The following WWOX variants were observed in gnomAD, a reference collection of about 807,000 sequenced individuals.
WWOX encodes the protein WW domain-containing oxidoreductase.
A neutral mutation model predicts 46.2 loss-of-function variants in WWOX; 69 were observed. That is an observed-to-expected ratio of 1.49 (90% CI 1.23 to 1.82). The LOEUF is 1.82. WWOX is among the 40% of genes most tolerant of loss of function. The pLI, the probability that WWOX is intolerant of heterozygous loss-of-function variation, is 0.00. For missense variants in WWOX, 919 were observed against 542.6 expected (o/e 1.69, Z -6.89); for synonymous variants, 359 against 202.6 (o/e 1.77, Z -6.56).
At chr16:78,910,504 TTG>T (rs2045081537) in intron 8 of WWOX, among the ~76,000 whole-genome samples, 1 of 71,380 alleles carries the variant, frequency 1.4e-5, no homozygotes, top group Admixed American at 1.4e-4. Context: ...TCAGGATCTT[TTG>T]TTTTTTTTTT....
intron 8 of WWOX, among the ~76,000 whole-genome samples, chr16:79,117,739 G>A (rs2049546043): frequency 6.6e-6 from 1 of 152,214 alleles, no homozygotes; most frequent in Non-Finnish European, 1.5e-5. Flanking sequence ...GCTTCATGTT[G>A]CACTTTTTTG....
At chr16:78,585,675 GT>G (rs72477856) in intron 8 of WWOX, among the ~76,000 whole-genome samples, 21,412 of 141,590 alleles carry the variant, frequency 0.15, 2,245 homozygotes, top group African/African-American at 0.29. Context: ...TTTGTTTTGG[GT>G]TTTTTTTTTT....
intron 8 of WWOX, among the ~76,000 whole-genome samples, chr16:78,587,200 T>G (rs2045229818): frequency 9.8e-6 from 1 of 101,788 alleles, no homozygotes; most frequent in Non-Finnish European, 1.9e-5. Flanking sequence ...TAACTTTTTT[T>G]TTTTTTTTTT....
chr16:78,496,105 G>A (rs749062184), intron 8 of WWOX: 7 of 152,008 alleles, frequency 4.6e-5, no homozygotes, highest in Non-Finnish European at 1.0e-4. Flanking sequence ...GGTACTATTT[G>A]GCTTTACTGA....
intron 8 of WWOX, among the ~76,000 whole-genome samples, chr16:79,003,564 T>A (rs548491345): frequency 6.6e-6 from 1 of 152,088 alleles, no homozygotes; most frequent in South Asian, 2.1e-4. Context: ...TTGATGGAGG[T>A]CATTTAGTGG....
chr16:78,607,044 C>A (rs1181893541), intron 8 of WWOX, among the ~76,000 whole-genome samples: 1 of 152,112 alleles, frequency 6.6e-6, no homozygotes, highest in African/African-American at 2.4e-5. Context: ...TTCCCCACTT[C>A]TCAGAACAAT....
intron 8 of WWOX, among the ~76,000 whole-genome samples, chr16:78,713,700 G>A (rs760928592): frequency 3.9e-5 from 6 of 152,140 alleles, no homozygotes; most frequent in African/African-American, 7.2e-5. Flanking sequence ...AGGGGCCTCC[G>A]GAGAAGCCAA....
At chr16:78,585,034 C>T (rs1279227720) in intron 8 of WWOX, among the ~76,000 whole-genome samples, 3 of 152,210 alleles carry the variant, frequency 2.0e-5, no homozygotes, top group Non-Finnish European at 2.9e-5. Flanking sequence ...CCCTATTCAG[C>T]TGAGGCCTCC....
chr16:78,781,957 C>G (rs1567555738), intron 8 of WWOX, among the ~76,000 whole-genome samples: 1 of 152,186 alleles, frequency 6.6e-6, no homozygotes, highest in Non-Finnish European at 1.5e-5. Context: ...TCTTCATTCT[C>G]CAAGTAAGCT....
chr16:78,340,201 CT>C lies in WWOX; in HGVS notation c.517-46646del, dbSNP rs199760062. Among the ~76,000 whole-genome samples the C allele has an allele frequency of 7.1e-4, 71 of 100,552 alleles. 1 individual carries two copies. Among genetic ancestry groups the C allele is most frequent in the Middle Eastern group, 4.7e-3 (1 of 214 alleles). The allele number at this position is 100,552 out of a possible 152,430, so 66.0% of individuals were successfully genotyped here. On this transcript the variant is annotated intron_variant, in intron 5 of 8. Transcript: ENST00000566780. The stretch of plus-strand genomic sequence containing the variant: ...TTTGGTAATTGTGTTTGATGATAGT[CT>C]TTTTTTTTTTTTGAGATGGAGTCTT...
At chr16:79,051,063 C>G (rs560033448) in intron 8 of WWOX, among the ~76,000 whole-genome samples, 24 of 152,286 alleles carry the variant, frequency 1.6e-4, no homozygotes, top group African/African-American at 3.6e-4. Context: ...GAAGCTGTAG[C>G]CATTATATTT....
At chr16:78,624,206 C>CTTT (rs201758464) in intron 8 of WWOX, among the ~76,000 whole-genome samples, 2 of 134,820 alleles carry the variant, frequency 1.5e-5, no homozygotes, top group Admixed American at 7.5e-5. Flanking sequence ...ATTTTCTAAT[C>CTTT]TTTTTTTTTT....
At chr16:78,371,379 A>G (rs554933149) in intron 5 of WWOX, among the ~76,000 whole-genome samples, 1 of 152,230 alleles carries the variant, frequency 6.6e-6, no homozygotes, top group African/African-American at 2.4e-5. Flanking sequence ...AAGTATGTTG[A>G]AACTGCCTTT....
intron 8 of WWOX, among the ~76,000 whole-genome samples, chr16:79,037,212 A>G (rs1446038452): frequency 6.6e-6 from 1 of 152,184 alleles, no homozygotes; most frequent in African/African-American, 2.4e-5. Context: ...GTAATTGCCA[A>G]CAGTAATTCA....
intron 8 of WWOX, among the ~76,000 whole-genome samples, chr16:78,995,963 T>C (rs2046980431): frequency 6.6e-6 from 1 of 152,176 alleles, no homozygotes; most frequent in African/African-American, 2.4e-5. Context: ...TTGCTGTAAG[T>C]TGCAGGGAAG....
At chr16:78,632,042 T>A (rs974551153) in intron 8 of WWOX, among the ~76,000 whole-genome samples, 9 of 151,776 alleles carry the variant, frequency 5.9e-5, no homozygotes, top group African/African-American at 2.2e-4. Flanking sequence ...TTAAAAAAAA[T>A]AAAAGTCTTC....
chr16:78,302,345 GATTA>G (rs2080056439), intron 5 of WWOX, among the ~76,000 whole-genome samples: 1 of 151,798 alleles, frequency 6.6e-6, no homozygotes, highest in Non-Finnish European at 1.5e-5. Context: ...AAAGTTTTAG[GATTA>G]ATTATCAACT....
chr16:79,089,825 C>A (rs1021528046), intron 8 of WWOX, among the ~76,000 whole-genome samples: 4 of 151,894 alleles, frequency 2.6e-5, no homozygotes, highest in South Asian at 2.1e-4. Context: ...TTTCATTCCT[C>A]GGAGTTCTGA....
At chr16:78,708,219 C>A (rs550276605) in intron 8 of WWOX, among the ~76,000 whole-genome samples, 10 of 152,104 alleles carry the variant, frequency 6.6e-5, no homozygotes, top group Non-Finnish European at 1.0e-4. Flanking sequence ...AAACAGGACA[C>A]CTGGTTAAAT....
Sources: gnomAD v4.1 joint callset for allele counts (sites outside exome capture counted in the v4.1 genomes callset) on GRCh38, gnomAD v4.1.1 for gene constraint, MANE v1.5 for transcripts, NCBI Gene and HGNC (gene_info 2026-07-23, HGNC 2026-07-21) for gene names.